Variants in PLEKHF2 observed in about 807,000 individuals in gnomAD.
The protein encoded by PLEKHF2 is pleckstrin homology domain-containing family F member 2.
PLEKHF2 carries 4 observed loss-of-function variants against 14.7 expected under a neutral mutation model. That is an observed-to-expected ratio of 0.27 (90% confidence interval 0.13 to 0.62). PLEKHF2 has a LOEUF of 0.62. Among genes scored for constraint, PLEKHF2 ranks in the 20% least tolerant of loss-of-function variants. The probability of loss-of-function intolerance (pLI) is 0.85; values close to 1 mark genes in which losing one functional copy is unlikely to be tolerated. For synonymous variants in PLEKHF2, 90 were observed against 103.5 expected (o/e 0.87, Z 0.79); for missense variants, 201 against 307.7 (o/e 0.65, Z 2.60).
In PLEKHF2 at chr8:95,154,304, T is replaced by C. The variant is rs1268189020; in HGVS notation, c.260T>C (p.Ile87Thr). 6 of 1,613,978 alleles carry C rather than the reference T, an allele frequency of 3.7e-6. No homozygotes were observed. In the Admixed American group the frequency reaches 8.3e-5, roughly 22 times the overall value. The change falls in exon 2 of 2, where the codon ATT (isoleucine) becomes ACT (threonine). Residue 87 changes from isoleucine to threonine, a missense_variant. Ile to Thr is a moderately conservative substitution (Grantham distance 89). Coordinates refer to ENST00000315367, the MANE Select transcript of PLEKHF2 (RefSeq NM_024613.4). The surrounding 1 kb of genome is among the most constrained non-coding windows in gnomAD (Gnocchi z 5.6). ...QHIIPLENVTIDSIKDEGDLR... is the reference protein window; with the variant it reads ...QHIIPLENVTTDSIKDEGDLR... ...ATTATTCCCCTGGAAAATGTCACTATTGATTCCATCAAAGATGAGGGAGAC... is the reference window on the plus strand; with the variant it reads ...ATTATTCCCCTGGAAAATGTCACTACTGATTCCATCAAAGATGAGGGAGAC...
intron 1 of PLEKHF2, 90 bp downstream of exon 1, chr8:95,134,120 C>T (rs1279299907): frequency 6.8e-6 from 1 of 146,070 alleles, no homozygotes; most frequent in Non-Finnish European, 1.5e-5. Context: ...CCCGCGGTCC[C>T]GGAGCCGTCG....
At chr8:95,153,859 A>T (rs577998668) in intron 1 of PLEKHF2, among the ~76,000 whole-genome samples, 172 bp from the exon 2 acceptor site, 1 of 152,192 alleles carries the variant, frequency 6.6e-6, no homozygotes, top group Non-Finnish European at 1.5e-5. Context: ...CATTTTAAAA[A>T]TTGAGAAATG....
At chr8:95,135,640 T>TAA (rs1422369097) in intron 1 of PLEKHF2, among the ~76,000 whole-genome samples, 1 of 152,258 alleles carries the variant, frequency 6.6e-6, no homozygotes, top group Non-Finnish European at 1.5e-5. Flanking sequence ...CTGTTGTTCT[T>TAA]AAAAATTCTT....
At chr8:95,145,864 G>A (rs1424485030) in intron 1 of PLEKHF2, among the ~76,000 whole-genome samples, 2 of 152,214 alleles carry the variant, frequency 1.3e-5, no homozygotes, top group African/African-American at 4.8e-5. Context: ...TAGGTACTCA[G>A]AATATTTGTT....
chr8:95,136,474 A>G (rs1167963337), intron 1 of PLEKHF2, among the ~76,000 whole-genome samples: 2 of 152,144 alleles, frequency 1.3e-5, no homozygotes, highest in African/African-American at 2.4e-5. Flanking sequence ...TAAGTAGATA[A>G]TGGATTAAAG....
chr8:95,145,799 G>T (rs751030600), intron 1 of PLEKHF2, among the ~76,000 whole-genome samples: 3 of 152,118 alleles, frequency 2.0e-5, no homozygotes, highest in Non-Finnish European at 4.4e-5. Flanking sequence ...TATTATTCTG[G>T]TTACTAGACT....
At chr8:95,147,419 G>T (rs2132109063) in intron 1 of PLEKHF2, among the ~76,000 whole-genome samples, 1 of 151,916 alleles carries the variant, frequency 6.6e-6, no homozygotes, top group African/African-American at 2.4e-5. Context: ...TTATTATGTT[G>T]ATTTCATATT....
intron 1 of PLEKHF2, among the ~76,000 whole-genome samples, chr8:95,152,338 G>A (rs367634483): frequency 2.0e-5 from 3 of 152,026 alleles, no homozygotes; most frequent in Non-Finnish European, 4.4e-5. Context: ...CTCTATGCAC[G>A]TGAGTGAAAT....
At chr8:95,146,144 C>T (rs777111444) in intron 1 of PLEKHF2, among the ~76,000 whole-genome samples, 9 of 151,934 alleles carry the variant, frequency 5.9e-5, no homozygotes, top group Non-Finnish European at 1.2e-4. Context: ...GAAAATATGG[C>T]CCATTTACTA....
At position 95,154,563 on chromosome 8, in the gene PLEKHF2, C is replaced by A; in HGVS notation, c.519C>A (p.His173Gln). 1 of 1,614,148 alleles carries A rather than the reference C, an allele frequency of 6.2e-7. No individual in the cohort carries two copies. Among genetic ancestry groups the A allele is most frequent in the Non-Finnish European group, 8.5e-7 (1 of 1,180,012 alleles). ...AATTCACACCTGTTAATCGTCGCCA[C>A]CATTGCCGCAAATGTGGTTTTGTTG... The part of the protein sequence containing the change: ...KAKFTPVNRR[H>Q]HCRKCGFVVC... Residue 173 changes from histidine to glutamine, a missense_variant, in exon 2 of 2, where the codon CAC becomes CAA. Transcript: ENST00000315367. This position sits in a 1 kb window ranked among gnomAD's most constrained non-coding sequence, Gnocchi z 5.6.
intron 1 of PLEKHF2, among the ~76,000 whole-genome samples, chr8:95,135,859 C>G (rs558789848): frequency 3.9e-5 from 6 of 152,234 alleles, no homozygotes; most frequent in Non-Finnish European, 8.8e-5. Flanking sequence ...GCTCTTATCA[C>G]TGCTCTGACT....
chr8:95,142,149 T>C (rs527377572), intron 1 of PLEKHF2, among the ~76,000 whole-genome samples: 1 of 152,352 alleles, frequency 6.6e-6, no homozygotes, highest in South Asian at 2.1e-4. Flanking sequence ...TTGTAACTGT[T>C]TTGAATGATA....
intron 1 of PLEKHF2, among the ~76,000 whole-genome samples, chr8:95,147,185 A>G (rs1477542438): frequency 6.6e-6 from 1 of 151,982 alleles, no homozygotes; most frequent in Non-Finnish European, 1.5e-5. Flanking sequence ...TTATTTATTT[A>G]TTGTAATTAA....
At chr8:95,145,443 T>C (rs968411931) in intron 1 of PLEKHF2, among the ~76,000 whole-genome samples, 1 of 151,952 alleles carries the variant, frequency 6.6e-6, no homozygotes, top group Non-Finnish European at 1.5e-5. Flanking sequence ...AATATTTCTT[T>C]TTTTTTTTTT....
chr8:95,146,306 T>G (rs556870437), intron 1 of PLEKHF2, among the ~76,000 whole-genome samples: 2 of 152,280 alleles, frequency 1.3e-5, no homozygotes, highest in South Asian at 2.1e-4. Flanking sequence ...AGTTCATTGG[T>G]TTTTCACTAT....
intron 1 of PLEKHF2, among the ~76,000 whole-genome samples, chr8:95,147,944 A>G (rs73264566): frequency 0.046 from 6,974 of 152,042 alleles, 260 homozygotes; most frequent in Middle Eastern, 0.12. Flanking sequence ...ACACTTAATA[A>G]TGATAGTGAA....
At chr8:95,152,775 C>T (rs1810576905) in intron 1 of PLEKHF2, among the ~76,000 whole-genome samples, 1 of 152,024 alleles carries the variant, frequency 6.6e-6, no homozygotes, top group Non-Finnish European at 1.5e-5. Context: ...ATTCTAGTGT[C>T]CTTTATAATG....
chr8:95,134,373 A>C (rs1327885608), intron 1 of PLEKHF2: 1 of 151,688 alleles, frequency 6.6e-6, no homozygotes, highest in Non-Finnish European at 1.5e-5. Flanking sequence ...GGGCCGGCGG[A>C]CGCGGGAAGG....
At chr8:95,145,389 A>T (rs934615001) in intron 1 of PLEKHF2, among the ~76,000 whole-genome samples, 3 of 152,154 alleles carry the variant, frequency 2.0e-5, no homozygotes, top group Admixed American at 1.3e-4. Flanking sequence ...AGATGGAATA[A>T]GTAGAGTTTT....
Sources: gnomAD v4.1 joint callset for allele counts (sites outside exome capture counted in the v4.1 genomes callset) on GRCh38, gnomAD v4.1.1 for gene constraint, Gnocchi (gnomAD v3.1) non-coding constraint, MANE v1.5 for transcripts, NCBI Gene and HGNC (gene_info 2026-07-23, HGNC 2026-07-21) for gene names.